The following RASA1 variants were observed in gnomAD, a reference collection of about 807,000 sequenced individuals.
RASA1 encodes the protein ras GTPase-activating protein 1.
Under a neutral mutation model 132.2 loss-of-function variants are expected in RASA1, and 25 were observed. The ratio of observed to expected loss-of-function variants is 0.19; its 90% CI spans 0.14 to 0.26. RASA1 has a LOEUF of 0.26. Ranked by LOEUF, RASA1 falls within the 10% of genes least tolerant of loss-of-function variation. RASA1 has a pLI of 1.00. For missense variants in RASA1, 964 were observed against 1,299.2 expected, an observed-to-expected ratio of 0.74 and a Z score of 3.97; for synonymous variants, 477 against 449.9, an observed-to-expected ratio of 1.06 and a Z score of -0.76.
At chr5:87,269,234 A>G (rs1389824367) in intron 1 of RASA1, 2 of 1,551,402 alleles carry the variant, frequency 1.3e-6, no homozygotes, top group South Asian at 2.3e-5. Context: ...GGAAAGCATG[A>G]GAAAATGTGT....
At chr5:87,385,848 C>T (rs903854720) in intron 22 of RASA1, among the ~76,000 whole-genome samples, 1 of 151,982 alleles carries the variant, frequency 6.6e-6, no homozygotes, top group Non-Finnish European at 1.5e-5. Context: ...GACTTCTTGC[C>T]ATATGTGGAA....
intron 11 of RASA1, among the ~76,000 whole-genome samples, chr5:87,369,224 AATT>A (rs1435085585): frequency 2.0e-5 from 3 of 152,172 alleles, no homozygotes; most frequent in African/African-American, 7.2e-5. Flanking sequence ...AAATGATATA[AATT>A]ATTACCTAAT....
In RASA1 at chr5:87,385,296, T is replaced by G. The variant is rs759883031; in HGVS notation, c.2759-5T>G. ...TGTCATTAGCTGTGCCCAATTCTGT[T>G]ACAGATTCTCCATCTCCTATTGCTG... On this transcript the variant is annotated splice_polypyrimidine_tract_variant and splice_region_variant and intron_variant, in intron 21 of 24. Transcript: ENST00000274376. 5.6e-6 allele frequency: 9 copies of G among 1,593,940 alleles called. No individual in the cohort carries two copies. Among genetic ancestry groups the G allele is most frequent in the Middle Eastern group, 3.3e-4 (2 of 6,030 alleles).
intron 21 of RASA1, among the ~76,000 whole-genome samples, chr5:87,384,729 A>T (rs1761948877): frequency 1.3e-5 from 2 of 152,136 alleles, no homozygotes; most frequent in Admixed American, 1.3e-4. Flanking sequence ...TTTCATTTAC[A>T]TCCTACTATC....
chr5:87,322,680 G>A (rs982130911), intron 1 of RASA1, among the ~76,000 whole-genome samples: 1 of 152,110 alleles, frequency 6.6e-6, no homozygotes, highest in Non-Finnish European at 1.5e-5. Flanking sequence ...ACCATGAGCC[G>A]CAATAAACCA....
At chr5:87,295,566 T>C (rs1347426713) in intron 1 of RASA1, among the ~76,000 whole-genome samples, 1 of 151,998 alleles carries the variant, frequency 6.6e-6, no homozygotes, top group Admixed American at 6.6e-5. Context: ...TGGAGTACAG[T>C]GGCGTGATGT....
In RASA1 at chr5:87,331,404, G is replaced by A; in HGVS notation, c.596G>A (p.Gly199Glu). The A allele has an allele frequency of 6.2e-7, 1 of 1,613,500 alleles. No individual in the cohort carries two copies. Among genetic ancestry groups the A allele is most frequent in the South Asian group, 1.1e-5 (1 of 91,078 alleles). The change falls in exon 2 of 25, where the codon GGG becomes GAG. Residue 199 changes from glycine (G) to glutamate (E), a missense_variant. Physicochemically the swap from Gly to Glu is moderately conservative, Grantham distance 98. Transcript: ENST00000274376. ...GCAGAAGAACGCCTCAGGCAGGCAG[G>A]GAAGTCTGGCAGTTATCTTATAAGA... is the stretch of plus-strand genomic sequence containing the variant. ...TIAEERLRQAGKSGSYLIRES... is the reference protein window; with the variant it reads ...TIAEERLRQAEKSGSYLIRES...
chr5:87,311,719 T>C (rs1440664575), intron 1 of RASA1, among the ~76,000 whole-genome samples: 2 of 152,188 alleles, frequency 1.3e-5, no homozygotes, highest in African/African-American at 4.8e-5. Context: ...TGGGTATCTT[T>C]CATGAAGGTC....
At chr5:87,305,317 C>T (rs564707056) in intron 1 of RASA1, among the ~76,000 whole-genome samples, 34 of 152,058 alleles carry the variant, frequency 2.2e-4, no homozygotes, top group African/African-American at 4.1e-4. Flanking sequence ...ACCGATGGAA[C>T]GGAATAGAGA....
At chr5:87,388,980 GA>G (rs1264835459) in intron 23 of RASA1, among the ~76,000 whole-genome samples, 1 of 151,778 alleles carries the variant, frequency 6.6e-6, no homozygotes, top group Admixed American at 6.6e-5. Flanking sequence ...TCATGCTACG[GA>G]AAAAAATGGA....
chr5:87,270,376 C>A (rs1440336035), intron 1 of RASA1, among the ~76,000 whole-genome samples: 2 of 148,334 alleles, frequency 1.3e-5, no homozygotes, highest in South Asian at 4.3e-4. Flanking sequence ...GAGATGGAGT[C>A]TCGCCTTGTT....
At chr5:87,297,682 C>A (rs1053032760) in intron 1 of RASA1, among the ~76,000 whole-genome samples, 1 of 152,132 alleles carries the variant, frequency 6.6e-6, no homozygotes. Context: ...ATTGCTCTGG[C>A]GTATTTCAAA....
In RASA1 at chr5:87,375,640, T is replaced by C. The variant is rs180838695; in HGVS notation, c.2011+724T>C. ...CCCTTAAACTTGAATATGTCACTTA[T>C]TCACTTCTGGTAGTCAAAGGCTCCC... is the stretch of plus-strand genomic sequence containing the variant. On this transcript the variant is annotated intron_variant, in intron 15 of 24. Coordinates refer to ENST00000274376, the MANE Select transcript of RASA1 (RefSeq NM_002890.3). Among the ~76,000 whole-genome samples the C allele has an allele frequency of 4.5e-3, 691 of 152,308 alleles. 4 individuals are homozygous for C. The highest frequency in any genetic ancestry group is 0.015 in the African/African-American group (644 of 41,556).
chr5:87,287,873 A>G lies in RASA1; in HGVS notation c.539+18883A>G, dbSNP rs979819771. Among the ~76,000 whole-genome samples, 4 of 138,640 alleles carry G rather than the reference A, an allele frequency of 2.9e-5. 1 individual carries two copies. Among genetic ancestry groups the G allele is most frequent in the Admixed American group, 7.3e-5 (1 of 13,634 alleles). 91.0% of individuals were successfully genotyped at this position (138,640 alleles called of 152,430 possible). A position where few individuals can be genotyped will look rare whatever the true frequency, so the allele number is the denominator to read the frequency against. ...TACACACACCATATATATACCATAT[A>G]TACACACACCATATATATACCATAT... On this transcript the variant is annotated intron_variant, in intron 1 of 24. Transcript: ENST00000274376.
At chr5:87,305,284 C>T (rs1215086447) in intron 1 of RASA1, among the ~76,000 whole-genome samples, 4 of 152,080 alleles carry the variant, frequency 2.6e-5, no homozygotes, top group South Asian at 4.1e-4. Context: ...TAACATGGTA[C>T]TGGTACAAGA....
chr5:87,294,844 T>C (rs1429929475), intron 1 of RASA1, among the ~76,000 whole-genome samples: 1 of 152,254 alleles, frequency 6.6e-6, no homozygotes, highest in Non-Finnish European at 1.5e-5. Context: ...AAGTAGTCTA[T>C]AGATGTCAGT....
chr5:87,303,581 T>C (rs1755473508), intron 1 of RASA1, among the ~76,000 whole-genome samples: 1 of 152,114 alleles, frequency 6.6e-6, no homozygotes, highest in Non-Finnish European at 1.5e-5. Flanking sequence ...ATGTCAACTT[T>C]TACAGTTTTT....
rs200197533 is a variant in RASA1, at chr5:87,363,388, G to A, written c.1494G>A (p.Glu498=). ...GGAAAAATTTATATTTTATCTTAGA[G>A]GGTAGTGATGCCCAACTTATTTATT... The part of the protein sequence containing the change: ...KRWKNLYFIL[E]GSDAQLIYFE... The change falls in exon 11 of 25, where the codon GAG becomes GAA. Residue 498 remains glutamate, a synonymous_variant. Transcript: ENST00000274376. 1,226 of 1,610,880 alleles carry A rather than the reference G, an allele frequency of 7.6e-4. 19 individuals are homozygous for A. In the South Asian group the frequency reaches 0.012, roughly 15 times the overall value.
At chr5:87,324,368 A>T (rs1383115694) in intron 1 of RASA1, among the ~76,000 whole-genome samples, 1 of 151,780 alleles carries the variant, frequency 6.6e-6, no homozygotes, top group Admixed American at 6.6e-5. Flanking sequence ...TCCCTTCGTT[A>T]TCTGTTTACT....
Sources: gnomAD v4.1 joint callset for allele counts (sites outside exome capture counted in the v4.1 genomes callset) on GRCh38, gnomAD v4.1.1 for gene constraint, MANE v1.5 for transcripts, NCBI Gene and HGNC (gene_info 2026-07-23, HGNC 2026-07-21) for gene names.